PPM1E: variants seen among roughly 807,000 people sequenced by gnomAD.
PPM1E encodes protein phosphatase 1E.
A neutral mutation model predicts 65.9 loss-of-function variants in PPM1E; 20 were observed. That is an observed-to-expected ratio of 0.30 (90% CI 0.21 to 0.44). The LOEUF (loss-of-function observed/expected upper bound fraction) is 0.44, where lower values mean the gene tolerates loss of function less well. Among genes scored for constraint, PPM1E ranks in the 20% least tolerant of loss-of-function variants. The pLI is 1.00. For missense variants in PPM1E, 713 were observed against 953.1 expected, an observed-to-expected ratio of 0.75 and a Z score of 3.32; for synonymous variants, 352 against 374.9, an observed-to-expected ratio of 0.94 and a Z score of 0.70.
intron 1 of PPM1E, among the ~76,000 whole-genome samples, chr17:58,895,779 C>G (rs1331471285): frequency 1.3e-5 from 2 of 152,008 alleles, no homozygotes; most frequent in Non-Finnish European, 2.9e-5. Context: ...GACTGCACTT[C>G]AGCCTGGGTG....
Position 58,890,756 on chromosome 17 carries a change from T to C in PPM1E, c.465-64893T>C, listed in dbSNP as rs990139944. Among the ~76,000 whole-genome samples, 6 of 152,298 alleles carry C rather than the reference T, an allele frequency of 3.9e-5. No individual in the cohort carries two copies. The East Asian group carries it at 1.2e-3, about 29-fold the overall frequency. ...AGCTCCCAGCTTGGATGTTATCCTA[T>C]CTCAGAAACCTTTCCCAGCTCTCTT... On this transcript the variant is annotated intron_variant, in intron 1 of 6. Coordinates refer to ENST00000308249, the MANE Select transcript of PPM1E (RefSeq NM_014906.5).
At chr17:58,931,116 G>C (rs536861893) in intron 1 of PPM1E, among the ~76,000 whole-genome samples, 2 of 151,130 alleles carry the variant, frequency 1.3e-5, no homozygotes, top group South Asian at 4.2e-4. Flanking sequence ...GCCGGGCGCG[G>C]TGGCTCACAT....
intron 1 of PPM1E, among the ~76,000 whole-genome samples, chr17:58,871,403 A>G (rs1041458738): frequency 7.9e-5 from 12 of 152,134 alleles, no homozygotes; most frequent in African/African-American, 2.7e-4. Flanking sequence ...ATGAGCTCCA[A>G]CACTCCCACA....
intron 1 of PPM1E, among the ~76,000 whole-genome samples, chr17:58,931,109 G>T (rs1006142847): frequency 6.7e-6 from 1 of 149,144 alleles, no homozygotes; most frequent in African/African-American, 2.5e-5. Flanking sequence ...GAAAAAAGCC[G>T]GGCGCGGTGG....
chr17:58,816,316 A>G (rs560644346), intron 1 of PPM1E, among the ~76,000 whole-genome samples: 1 of 152,020 alleles, frequency 6.6e-6, no homozygotes, highest in African/African-American at 2.4e-5. Context: ...GAGCCACTAC[A>G]CCCAGCCTGT....
Position 58,756,170 on chromosome 17 carries a change from C to T in PPM1E, c.173C>T (p.Ala58Val), listed in dbSNP as rs554134018. The T allele has an allele frequency of 2.5e-6, 4 of 1,579,330 alleles. No homozygotes were observed. The highest frequency in any genetic ancestry group is 2.7e-5 in the African/African-American group (2 of 74,596). The part of the protein sequence containing the change: ...EPEPELVEAE[A>V]AEASVEEPGE... ...GAACCTGAACTGGTAGAAGCTGAGGCGGCCGAGGCTTCGGTAGAGGAACCC... is the reference window on the plus strand; with the variant it reads ...GAACCTGAACTGGTAGAAGCTGAGGTGGCCGAGGCTTCGGTAGAGGAACCC... Residue 58 changes from alanine (A) to valine (V), a missense_variant, in exon 1 of 7, where the codon GCG becomes GTG. Coordinates refer to ENST00000308249, the MANE Select transcript of PPM1E (RefSeq NM_014906.5).
rs148115224 is a variant in PPM1E, at chr17:58,812,707, C to T, written c.464+56246C>T. On this transcript the variant is annotated intron_variant, in intron 1 of 6. Coordinates refer to ENST00000308249, the MANE Select transcript of PPM1E (RefSeq NM_014906.5). ...TAGCTGGGATTACAGGCACACACCA[C>T]CATGCCCAGCTAATTTTTTGTTTTT... Among the ~76,000 whole-genome samples the T allele has an allele frequency of 2.2e-3, 342 of 152,242 alleles. 3 individuals are homozygous for T. Among genetic ancestry groups the T allele is most frequent in the African/African-American group, 7.9e-3 (327 of 41,542 alleles).
chr17:58,865,154 C>T (rs902451013), intron 1 of PPM1E, among the ~76,000 whole-genome samples: 6 of 151,946 alleles, frequency 3.9e-5, no homozygotes, highest in Non-Finnish European at 8.8e-5. Flanking sequence ...CTTTGGGAGG[C>T]CGAGGCAGAT....
At chr17:58,950,543 T>C (rs1271820131) in intron 1 of PPM1E, among the ~76,000 whole-genome samples, 1 of 152,200 alleles carries the variant, frequency 6.6e-6, no homozygotes, top group Non-Finnish European at 1.5e-5. Flanking sequence ...CTTCTCCTTC[T>C]GGAATGCCCA....
intron 1 of PPM1E, among the ~76,000 whole-genome samples, chr17:58,947,556 T>C (rs911642162): frequency 6.7e-6 from 1 of 149,484 alleles, no homozygotes; most frequent in African/African-American, 2.5e-5. Context: ...TTTTTTTCAC[T>C]TATTTGACCT....
chr17:58,852,202 G>A (rs757794239), intron 1 of PPM1E, among the ~76,000 whole-genome samples: 2 of 152,138 alleles, frequency 1.3e-5, no homozygotes, highest in Non-Finnish European at 2.9e-5. Flanking sequence ...GCTAGGAAAG[G>A]GAATTCCTCG....
chr17:58,958,112 C>G (rs2029908482), intron 2 of PPM1E, among the ~76,000 whole-genome samples: 1 of 152,170 alleles, frequency 6.6e-6, no homozygotes, highest in South Asian at 2.1e-4. Flanking sequence ...ACCCGGTCAA[C>G]AGAGCGAGAC....
chr17:58,974,633 T>C (rs915566765), intron 6 of PPM1E, among the ~76,000 whole-genome samples: 3 of 152,226 alleles, frequency 2.0e-5, no homozygotes, highest in African/African-American at 7.2e-5. Context: ...ATGGGTGATA[T>C]GTACATTACA....
Position 58,980,713 on chromosome 17 carries a change from AG to A in PPM1E, c.1953del (p.Leu652TrpfsTer49). The A allele has an allele frequency of 6.2e-7, 1 of 1,614,236 alleles. No individual in the cohort carries two copies. Among genetic ancestry groups the A allele is most frequent in the Non-Finnish European group, 8.5e-7 (1 of 1,180,044 alleles). On this transcript the variant is annotated frameshift_variant, in exon 7 of 7. Coordinates refer to ENST00000308249, the MANE Select transcript of PPM1E (RefSeq NM_014906.5). LOFTEE classifies it high-confidence loss of function. The surrounding 1 kb of genome is among the most constrained non-coding windows in gnomAD (Gnocchi z 4.7). ...TGCAGAGCTTGTCTCCTGTCTGTTC[AG>A]GGTTGGAAAATGAACAGTTCAAATC... Reference protein sequence around the residue: ...RMQSLSPVCSGLENEQFKSPG... With the variant: ...RMQSLSPVCSXLENEQFKSPG...
At chr17:58,776,357 C>T (rs558488088) in intron 1 of PPM1E, among the ~76,000 whole-genome samples, 3 of 152,136 alleles carry the variant, frequency 2.0e-5, no homozygotes, top group South Asian at 4.1e-4. Context: ...TTGATTGACC[C>T]AAATGAAAAT....
At chr17:58,764,207 T>C (rs1050323356) in intron 1 of PPM1E, among the ~76,000 whole-genome samples, 2 of 152,010 alleles carry the variant, frequency 1.3e-5, no homozygotes, top group African/African-American at 4.8e-5. Context: ...ACATTTCAAA[T>C]ACTTAATAAT....
intron 1 of PPM1E, among the ~76,000 whole-genome samples, chr17:58,863,795 C>G (rs975272437): frequency 6.6e-6 from 1 of 152,150 alleles, no homozygotes; most frequent in African/African-American, 2.4e-5. Context: ...CCGAACACCT[C>G]TCCGACCATC....
chr17:58,882,185 GAAAA>G (rs1204031076), intron 1 of PPM1E, among the ~76,000 whole-genome samples: 3 of 151,702 alleles, frequency 2.0e-5, no homozygotes, highest in African/African-American at 7.3e-5. Context: ...GCAAAAAAAA[GAAAA>G]GAAAGAAGTA....
In PPM1E at chr17:58,965,715, C is replaced by T; in HGVS notation, c.605C>T (p.Ala202Val). 1 of 1,614,058 alleles carries T rather than the reference C, an allele frequency of 6.2e-7. No individual in the cohort carries two copies. The highest frequency in any genetic ancestry group is 8.5e-7 in the Non-Finnish European group (1 of 1,179,978). ...GTVEIETVKL[A>V]RSVFSKLHEI... The stretch of plus-strand genomic sequence containing the variant: ...ACAGAGATTGAGACAGTGAAATTGG[C>T]CCGTTCTGTCTTCAGCAAACTACAC... The change falls in exon 3 of 7, where the codon GCC becomes GTC. Residue 202 changes from alanine (A) to valine (V), a missense_variant. Physicochemically the swap from Ala to Val is moderately conservative, Grantham distance 64. Around this residue, in one of 6 missense-constraint regions of PPM1E, gnomAD observed 84 missense variants for 113.9 expected, o/e 0.74. Coordinates refer to ENST00000308249, the MANE Select transcript of PPM1E (RefSeq NM_014906.5).
Sources: gnomAD v4.1 joint callset for allele counts (sites outside exome capture counted in the v4.1 genomes callset) on GRCh38, gnomAD v4.1.1 for gene constraint, gnomAD v4.1.1 regional missense constraint, Gnocchi (gnomAD v3.1) non-coding constraint, MANE v1.5 for transcripts, NCBI Gene and HGNC (gene_info 2026-07-23, HGNC 2026-07-21) for gene names.